Variants in KDM3B observed in about 807,000 individuals in gnomAD.
KDM3B encodes lysine demethylase 3B.
Under a neutral mutation model 170.0 loss-of-function variants are expected in KDM3B, and 10 were observed. The ratio of observed to expected loss-of-function variants is 0.06; its 90% CI spans 0.04 to 0.10. KDM3B has a LOEUF of 0.10. Ranked by LOEUF, KDM3B falls within the 10% of genes least tolerant of loss-of-function variation. KDM3B has a pLI of 1.00. For synonymous variants in KDM3B, 831 were observed against 834.8 expected, an observed-to-expected ratio of 1.00 and a Z score of 0.08; for missense variants, 1,394 against 2,195.2, an observed-to-expected ratio of 0.64 and a Z score of 7.29.
At chr5:138,416,648 C>G (rs1488325749) in intron 12 of KDM3B, among the ~76,000 whole-genome samples, 2 of 151,274 alleles carry the variant, frequency 1.3e-5, no homozygotes, top group Non-Finnish European at 2.9e-5. Context: ...CTGGAGCATC[C>G]CCTGGATCCC....
At chr5:138,380,332 T>C (rs968915589) in intron 5 of KDM3B, among the ~76,000 whole-genome samples, 1 of 148,818 alleles carries the variant, frequency 6.7e-6, no homozygotes, top group Admixed American at 6.7e-5. Flanking sequence ...ATATGAGTTA[T>C]ATGATATATA....
At chr5:138,356,636 C>CT (rs539401228) in intron 1 of KDM3B, among the ~76,000 whole-genome samples, 1,132 of 86,006 alleles carry the variant, frequency 0.013, 26 homozygotes, top group African/African-American at 0.024. Flanking sequence ...TGTCTCTTGA[C>CT]TTTTTTTTTT....
chr5:138,362,587 A>ACAC (rs1561755732), intron 1 of KDM3B, among the ~76,000 whole-genome samples: 6,443 of 78,346 alleles, frequency 0.082, 230 homozygotes, highest in African/African-American at 0.13. Flanking sequence ...CACACACACA[A>ACAC]AATATCTTAA....
intron 1 of KDM3B, among the ~76,000 whole-genome samples, chr5:138,357,686 G>C (rs887770985): frequency 4.0e-5 from 6 of 151,678 alleles, no homozygotes; most frequent in African/African-American, 1.5e-4. Flanking sequence ...TTTACCTTTA[G>C]ATTTTTGGTA....
chr5:138,428,528 T>C (rs1190671920), intron 20 of KDM3B, among the ~76,000 whole-genome samples: 1 of 152,170 alleles, frequency 6.6e-6, no homozygotes, highest in East Asian at 1.9e-4. Flanking sequence ...TCTTTTCTTA[T>C]TCCCCTGGTG....
At chr5:138,410,289 G>T (rs1762929132) in intron 11 of KDM3B, among the ~76,000 whole-genome samples, 1 of 152,094 alleles carries the variant, frequency 6.6e-6, no homozygotes, top group Non-Finnish European at 1.5e-5. Flanking sequence ...ATAGAGTCAA[G>T]TTGAAGGACT....
At chr5:138,431,711 C>A in intron 23 of KDM3B, 152 bp downstream of exon 23, 1 of 685,948 alleles carries the variant, frequency 1.5e-6, no homozygotes. Context: ...GATATGGAGT[C>A]CTTTTAGGAA....
chr5:138,359,751 C>T (rs1761550861), intron 1 of KDM3B, among the ~76,000 whole-genome samples: 1 of 152,112 alleles, frequency 6.6e-6, no homozygotes, highest in South Asian at 2.1e-4. Context: ...CATGTAGTAT[C>T]ACTTGGTTTT....
In KDM3B at chr5:138,430,369, G is replaced by A. The variant is rs774240331; in HGVS notation, c.5014G>A (p.Ala1672Thr). 1.7e-5 allele frequency: 28 copies of A among 1,614,114 alleles called. No homozygotes were observed. The East Asian group carries it at 6.2e-4, about 36-fold the overall frequency. Residue 1672 changes from alanine to threonine, a missense_variant, in exon 22 of 24, where the codon GCT becomes ACT. Ala to Thr is a moderately conservative substitution (Grantham distance 58). This residue lies in a region of KDM3B where 79 missense variants were observed against 270.5 expected (regional missense o/e 0.29). Coordinates refer to ENST00000314358, the MANE Select transcript of KDM3B (RefSeq NM_016604.4). ...TGAGGAGTATGGCGTGCAAGGCTGG[G>A]CTATTGTGCAGTTCCTAGGTGATGC... ...LYEEYGVQGW[A>T]IVQFLGDAVF... is the part of the protein sequence containing the mutation.
chr5:138,416,633 C>CT (rs1485315039), intron 12 of KDM3B, among the ~76,000 whole-genome samples: 33 of 146,624 alleles, frequency 2.3e-4, no homozygotes, highest in Non-Finnish European at 3.8e-4. Context: ...CCAAAGAAAA[C>CT]TTTGCTGGAG....
At chr5:138,409,426 G>T (rs1388547454) in intron 11 of KDM3B, among the ~76,000 whole-genome samples, 1 of 152,138 alleles carries the variant, frequency 6.6e-6, no homozygotes, top group Middle Eastern at 3.2e-3. Flanking sequence ...AAATGTAATG[G>T]GAGGTTGAAG....
chr5:138,392,282 T>C, intron 8 of KDM3B, 21 bp downstream of exon 8: 1 of 1,469,438 alleles, frequency 6.8e-7, no homozygotes, highest in Admixed American at 2.3e-5. Flanking sequence ...TGGGGCTATA[T>C]TTGGGCTTTG....
intron 11 of KDM3B, among the ~76,000 whole-genome samples, chr5:138,404,626 TAA>T (rs574323887): frequency 7.0e-6 from 1 of 142,478 alleles, no homozygotes; most frequent in East Asian, 2.1e-4. Flanking sequence ...AAACTCCATC[TAA>T]AAAAAAAAAA....
chr5:138,427,131 T>C, intron 18 of KDM3B, 58 bp from the exon 19 acceptor site: 1 of 1,607,144 alleles, frequency 6.2e-7, no homozygotes, highest in Non-Finnish European at 8.5e-7. Context: ...AAGTGAAATT[T>C]GTCTATTGGC....
rs1580957407 is a variant in KDM3B, at chr5:138,427,134, C to G, written c.4503-55C>G. On this transcript the variant is annotated intron_variant, in intron 18 of 23. Coordinates refer to ENST00000314358, the MANE Select transcript of KDM3B (RefSeq NM_016604.4). ...GTAATCACAGAAAAGTGAAATTTGT[C>G]TATTGGCTTTCTTCCCCTATAACAA... 4 of 1,606,778 alleles carry G rather than the reference C, an allele frequency of 2.5e-6. No individual in the cohort carries two copies. In the East Asian group the frequency reaches 8.9e-5, roughly 36 times the overall value.
intron 8 of KDM3B, among the ~76,000 whole-genome samples, 190 bp downstream of exon 8, chr5:138,392,451 C>T (rs1306728227): frequency 6.6e-6 from 1 of 152,252 alleles, no homozygotes; most frequent in Non-Finnish European, 1.5e-5. Flanking sequence ...TAAACCGGCA[C>T]TGTAGGAGGA....
intron 8 of KDM3B, among the ~76,000 whole-genome samples, chr5:138,392,485 T>A (rs1762460067): frequency 6.6e-6 from 1 of 152,082 alleles, no homozygotes; most frequent in Non-Finnish European, 1.5e-5. Flanking sequence ...ATAATGATAA[T>A]CCCCCAAAGG....
chr5:138,358,037 G>A (rs868575354), intron 1 of KDM3B, among the ~76,000 whole-genome samples: 39 of 151,576 alleles, frequency 2.6e-4, no homozygotes, highest in African/African-American at 5.3e-4. Context: ...CACTCTTGTC[G>A]CCCAGGCTGG....
At chr5:138,365,732 T>A (rs1284598202) in intron 1 of KDM3B, among the ~76,000 whole-genome samples, 8 of 151,594 alleles carry the variant, frequency 5.3e-5, no homozygotes, top group Non-Finnish European at 1.0e-4. Flanking sequence ...GGGGCAGTGG[T>A]TTACACCTGT....
Sources: gnomAD v4.1 joint callset for allele counts (sites outside exome capture counted in the v4.1 genomes callset) on GRCh38, gnomAD v4.1.1 for gene constraint, gnomAD v4.1.1 regional missense constraint, MANE v1.5 for transcripts, NCBI Gene and HGNC (gene_info 2026-07-23, HGNC 2026-07-21) for gene names.